Variants in TTC19 observed in about 807,000 individuals in gnomAD.
TTC19 encodes the protein tetratricopeptide repeat domain 19.
In TTC19, 38 loss-of-function variants were observed where a neutral mutation model predicts 49.5. The ratio of observed to expected loss-of-function variants is 0.77; its 90% CI spans 0.59 to 1.01. TTC19 has a LOEUF of 1.01. Ranked by LOEUF, TTC19 falls within the 50% of genes least tolerant of loss-of-function variation. The pLI, the probability that TTC19 is intolerant of heterozygous loss-of-function variation, is 0.00. For missense variants in TTC19, 475 were observed against 477.7 expected (o/e 0.99, Z 0.05); for synonymous variants, 204 against 185.2 (o/e 1.10, Z -0.83).
At chr17:16,043,289 T>C (rs2058074589) in intron 2 of TTC19, among the ~76,000 whole-genome samples, 2 of 152,238 alleles carry the variant, frequency 1.3e-5, no homozygotes, top group South Asian at 4.1e-4. Context: ...TGGCTGCTGA[T>C]GGCTTTCATT....
At chr17:16,012,433 G>A (rs987204296) in intron 7 of TTC19, among the ~76,000 whole-genome samples, 26 of 152,026 alleles carry the variant, frequency 1.7e-4, no homozygotes, top group Admixed American at 1.3e-4. Context: ...AGCTGAGATC[G>A]CACCACCTGT....
Position 16,027,412 on chromosome 17 carries a change from C to G in TTC19, c.1033C>G (p.Leu345Val). 6.2e-7 allele frequency: 1 copy of G among 1,614,068 alleles called. No individual in the cohort carries two copies. The highest frequency in any genetic ancestry group is 8.5e-7 in the Non-Finnish European group (1 of 1,179,946). The change falls in exon 10 of 10, where the codon CTG becomes GTG. Residue 345 changes from leucine (L) to valine (V), a missense_variant. Coordinates refer to ENST00000261647, the MANE Select transcript of TTC19 (RefSeq NM_017775.4). ...TQAKEIYQEA[L>V]KQAKLKKDEI... The stretch of plus-strand genomic sequence containing the variant: ...AGCAAAAGAGATCTACCAGGAAGCA[C>G]TGAAGCAAGCAAAGCTGAAAAAAGA...
At chr17:16,039,041 T>C (rs1245954046) in intron 2 of TTC19, among the ~76,000 whole-genome samples, 3 of 152,238 alleles carry the variant, frequency 2.0e-5, no homozygotes, top group Non-Finnish European at 1.5e-5. Context: ...AGTGCTGGGA[T>C]TACAGGCGTG....
chr17:16,039,615 G>C lies in TTC19; in HGVS notation c.248-4888G>C, dbSNP rs149921069. The C allele has an allele frequency of 2.6e-5, 42 of 1,613,904 alleles. No homozygotes were observed. The highest frequency in any genetic ancestry group is 3.3e-5 in the South Asian group (3 of 91,072). On this transcript the variant is annotated intron_variant, in intron 2 of 2. Coordinates refer to the TTC19 transcript ENST00000470649. ...AATGTCTTCCAGCCCAAGATTACTG[G>C]CAGGATCAGCAAAAGAATGGCCTCT...
intron 9 of TTC19, 80 bp downstream of exon 9, chr17:16,026,782 A>AG: frequency 1.4e-6 from 2 of 1,409,442 alleles, no homozygotes; most frequent in South Asian, 2.3e-5. Context: ...AGTGGTATGT[A>AG]GGGAGGGCAA....
chr17:16,032,399 G>A (rs1193666589), downstream of TTC19: 15 of 1,613,976 alleles, frequency 9.3e-6, no homozygotes, highest in African/African-American at 5.3e-5. Context: ...TTGGTTCACC[G>A]CAGAGGGAGC....
Position 16,006,495 on chromosome 17 carries a change from C to G in TTC19, c.603C>G (p.Gly201=). The part of the protein sequence containing the change: ...AQNRQEFAVA[G]YEFCISTLEE... ...ACAGACAGGAATTTGCTGTTGCTGG[C>G]TATGAATTCTGCATTTCAACTCTAG... The change falls in exon 7 of 10, where the codon GGC becomes GGG. Residue 201 remains glycine, a synonymous_variant. Transcript: ENST00000261647. The G allele has an allele frequency of 4.3e-6, 7 of 1,612,580 alleles. No homozygotes were observed. Among genetic ancestry groups the G allele is most frequent in the Non-Finnish European group, 5.9e-6 (7 of 1,178,892 alleles).
At position 16,017,172 on chromosome 17, in the gene TTC19, A is replaced by C. The variant is rs551783982; in HGVS notation, c.677-7845A>C. On this transcript the variant is annotated intron_variant, in intron 7 of 9. Coordinates refer to ENST00000261647, the MANE Select transcript of TTC19 (RefSeq NM_017775.4). ...TATTATCTACTATATCTTACCCTTA[A>C]CTTTTCTGAGTCATTTTCAGTGTAT... is the stretch of plus-strand genomic sequence containing the variant. Among the ~76,000 whole-genome samples, 3 of 152,080 alleles carry C rather than the reference A, an allele frequency of 2.0e-5. No homozygotes were observed. In the East Asian group the frequency reaches 5.8e-4, roughly 29 times the overall value.
At chr17:16,020,857 T>G (rs1971358729) in intron 7 of TTC19, among the ~76,000 whole-genome samples, 1 of 150,188 alleles carries the variant, frequency 6.7e-6, no homozygotes, top group Non-Finnish European at 1.5e-5. Flanking sequence ...TTTTGGGGGG[T>G]GGTGGGGGAG....
intron 2 of TTC19, among the ~76,000 whole-genome samples, chr17:16,044,186 A>AG (rs2058258869): frequency 6.6e-6 from 1 of 151,206 alleles, no homozygotes; most frequent in Admixed American, 6.6e-5. Flanking sequence ...AAAAAAAAAA[A>AG]AAGAAAGAAA....
Position 16,004,273 on chromosome 17 carries a change from C to T in TTC19, c.581+11C>T. 1 of 1,613,328 alleles carries T rather than the reference C, an allele frequency of 6.2e-7. No homozygotes were observed. The highest frequency in any genetic ancestry group is 1.1e-5 in the South Asian group (1 of 91,072). ...TGCTGCGCAGAACAGGTAAGTACAG[C>T]AGCCAGGGAGTAGGACTGTGGGCAG... On this transcript the variant is annotated intron_variant, in intron 6 of 9. Transcript: ENST00000261647.
chr17:16,038,113 C>G (rs991476583), intron 2 of TTC19, among the ~76,000 whole-genome samples: 1 of 151,782 alleles, frequency 6.6e-6, no homozygotes, highest in Non-Finnish European at 1.5e-5. Flanking sequence ...TTTTTCTTAA[C>G]CATAGTGAGA....
chr17:16,028,591 T>C lies in TTC19; in HGVS notation c.*1069T>C, dbSNP rs746849498. 2.2e-6 allele frequency: 1 copy of C among 453,998 alleles called. No homozygotes were observed. The highest frequency in any genetic ancestry group is 1.6e-5 in the South Asian group (1 of 64,468). The allele number at this position is 453,998 out of a possible 1,614,324, so 28.1% of individuals were successfully genotyped here. On this transcript the variant is annotated 3_prime_UTR_variant, in exon 10 of 10. Transcript: ENST00000261647. ...GTAAAGATACATAGGTGGATGCTCT[T>C]ACTGCAGCAGTCATGAATACATTTT...
At chr17:16,014,728 C>T (rs971720425) in intron 7 of TTC19, among the ~76,000 whole-genome samples, 1 of 152,176 alleles carries the variant, frequency 6.6e-6, no homozygotes, top group African/African-American at 2.4e-5. Flanking sequence ...AAATCTGAAA[C>T]ACTTTTGGTC....
At chr17:16,002,551 G>T in intron 3 of TTC19, 1 of 545,610 alleles carries the variant, frequency 1.8e-6, no homozygotes. Context: ...AGTATCATTA[G>T]CATGTTTTTT....
At chr17:16,031,231 CTG>C (rs1423183066), downstream of TTC19, 1 of 199,244 alleles carries the variant, frequency 5.0e-6, no homozygotes, top group East Asian at 7.8e-5. Flanking sequence ...GGAAAAAGGA[CTG>C]TGTTCACCAT....
At chr17:16,023,596 T>C (rs1264107878) in intron 7 of TTC19, 4 of 152,226 alleles carry the variant, frequency 2.6e-5, no homozygotes, top group African/African-American at 4.8e-5. Flanking sequence ...TAGTTGTTGG[T>C]TGAAGATTCA....
intron 2 of TTC19, among the ~76,000 whole-genome samples, chr17:16,038,434 TC>T (rs1377109378): frequency 9.9e-6 from 1 of 100,586 alleles, no homozygotes; most frequent in African/African-American, 4.1e-5. Context: ...TTTTTCCTAC[TC>T]TTTTTTTTTT....
chr17:16,029,259 C>G lies in TTC19; in HGVS notation c.*1737C>G, dbSNP rs111771699. 4.0e-5 allele frequency: 18 copies of G among 453,636 alleles called. No homozygotes were observed. The highest frequency in any genetic ancestry group is 6.6e-5 in the Non-Finnish European group (15 of 226,696). 28.1% of individuals were successfully genotyped at this position (453,636 alleles called of 1,614,324 possible). ...ACACTAGGAGTTTTCAGGACAGTCT[C>G]TTCATGTGGGTGTTTTCATTACAGT... On this transcript the variant is annotated 3_prime_UTR_variant, in exon 10 of 10. Coordinates refer to ENST00000261647, the MANE Select transcript of TTC19 (RefSeq NM_017775.4).
Sources: gnomAD v4.1 joint callset for allele counts (sites outside exome capture counted in the v4.1 genomes callset) on GRCh38, gnomAD v4.1.1 for gene constraint, MANE v1.5 for transcripts, NCBI Gene and HGNC (gene_info 2026-07-23, HGNC 2026-07-21) for gene names.